EXOC6B: variants seen among roughly 807,000 people sequenced by gnomAD.
The protein encoded by EXOC6B is SEC15 homolog B.
A neutral mutation model predicts 113.5 loss-of-function variants in EXOC6B; 54 were observed. That is an observed-to-expected ratio of 0.48 (90% CI 0.38 to 0.60). The LOEUF (loss-of-function observed/expected upper bound fraction) is 0.60, where lower values mean the gene tolerates loss of function less well. Among genes scored for constraint, EXOC6B ranks in the 20% least tolerant of loss-of-function variants. The probability of loss-of-function intolerance (pLI) is 0.00; values close to 1 mark genes in which losing one functional copy is unlikely to be tolerated. For missense variants in EXOC6B, 797 were observed against 977.5 expected (o/e 0.82, Z 2.46); for synonymous variants, 357 against 339.0 (o/e 1.05, Z -0.58).
chr2:72,472,750 T>G (rs952219355), intron 17 of EXOC6B, among the ~76,000 whole-genome samples: 4 of 152,118 alleles, frequency 2.6e-5, no homozygotes, highest in African/African-American at 9.6e-5. Context: ...GCTGCTTTCC[T>G]GTTCCTTGAG....
rs530673568 is a variant in EXOC6B at position 72,475,983 on chromosome 2, A to G, written c.1800+4633T>C. Among the ~76,000 whole-genome samples the G allele has an allele frequency of 3.9e-5, 6 of 152,260 alleles. No individual in the cohort carries two copies. In the South Asian group the frequency reaches 1.0e-3, roughly 26 times the overall value. The stretch of plus-strand genomic sequence containing the variant: ...GCTTCTCCTGCACCTCAGCCCCAGT[A>G]CCAGTGGTCTCCAGGATAATGCGCT... On this transcript the variant is annotated intron_variant, in intron 17 of 21. Transcript: ENST00000272427.
intron 18 of EXOC6B, among the ~76,000 whole-genome samples, chr2:72,451,492 G>A (rs1696909921): frequency 6.6e-6 from 1 of 152,090 alleles, no homozygotes; most frequent in Non-Finnish European, 1.5e-5. Flanking sequence ...GTTAAAGACG[G>A]TAAATCATTC....
intron 20 of EXOC6B, among the ~76,000 whole-genome samples, chr2:72,324,149 A>C (rs1233653983): frequency 6.6e-6 from 1 of 152,178 alleles, no homozygotes; most frequent in Non-Finnish European, 1.5e-5. Context: ...ATCTTTGATA[A>C]CTATTTTTAA....
At chr2:72,181,301 G>A (rs1344917409) in intron 21 of EXOC6B, among the ~76,000 whole-genome samples, 1 of 152,002 alleles carries the variant, frequency 6.6e-6, no homozygotes, top group Non-Finnish European at 1.5e-5. Flanking sequence ...TTGAATATAA[G>A]GTACGACCAC....
At chr2:72,600,806 C>A (rs183045945) in intron 6 of EXOC6B, among the ~76,000 whole-genome samples, 2 of 152,076 alleles carry the variant, frequency 1.3e-5, no homozygotes, top group East Asian at 3.9e-4. Context: ...CTTTTAGATA[C>A]AACACCAAAA....
At chr2:72,478,797 T>C (rs765222821) in intron 17 of EXOC6B, among the ~76,000 whole-genome samples, 24 of 152,238 alleles carry the variant, frequency 1.6e-4, no homozygotes, top group Non-Finnish European at 5.9e-5. Flanking sequence ...CACATATTCT[T>C]CTTTTGATAG....
chr2:72,724,817 A>G (rs1296126743), intron 5 of EXOC6B, among the ~76,000 whole-genome samples: 2 of 152,190 alleles, frequency 1.3e-5, no homozygotes, highest in Non-Finnish European at 2.9e-5. Flanking sequence ...ACATTACACA[A>G]TGCAAATGAG....
intron 20 of EXOC6B, among the ~76,000 whole-genome samples, chr2:72,271,891 C>T (rs928925452): frequency 6.6e-6 from 1 of 152,106 alleles, no homozygotes; most frequent in African/African-American, 2.4e-5. Flanking sequence ...CCTTCCACTC[C>T]ACATGCTGCC....
intron 7 of EXOC6B, among the ~76,000 whole-genome samples, chr2:72,572,572 C>T (rs1704582106): frequency 6.6e-6 from 1 of 152,166 alleles, no homozygotes; most frequent in Admixed American, 6.5e-5. Flanking sequence ...GACTGCCATA[C>T]AGGGATTCTA....
rs181334527 is a variant in EXOC6B at position 72,502,675 on chromosome 2, G to A, written c.1168-2703C>T. On this transcript the variant is annotated intron_variant, in intron 11 of 21. Coordinates refer to ENST00000272427, the MANE Select transcript of EXOC6B (RefSeq NM_015189.3). ...TTTCCAATATAAAAAATTGTCTCCC[G>A]CCATTTACCCTGTTTGACACTCAAT... Among the ~76,000 whole-genome samples the A allele has an allele frequency of 1.1e-3, 168 of 151,902 alleles. 3 individuals carry two copies. The highest frequency in any genetic ancestry group is 3.5e-4 in the Non-Finnish European group (24 of 67,946).
chr2:72,329,438 A>G (rs1688312831), intron 20 of EXOC6B, among the ~76,000 whole-genome samples: 1 of 152,130 alleles, frequency 6.6e-6, no homozygotes, highest in Non-Finnish European at 1.5e-5. Flanking sequence ...GTAAAATATT[A>G]AAAAATAAAT....
At chr2:72,821,958 A>G (rs1573853671) in intron 1 of EXOC6B, among the ~76,000 whole-genome samples, 1 of 152,220 alleles carries the variant, frequency 6.6e-6, no homozygotes, top group Non-Finnish European at 1.5e-5. Context: ...TGATACATGA[A>G]TTATATCTCA....
chr2:72,627,292 T>C (rs1283531147), intron 6 of EXOC6B, among the ~76,000 whole-genome samples: 1 of 152,198 alleles, frequency 6.6e-6, no homozygotes, highest in African/African-American at 2.4e-5. Flanking sequence ...TCTAGTTGAG[T>C]CTAAGACTTT....
intron 1 of EXOC6B, among the ~76,000 whole-genome samples, chr2:72,774,807 A>G: frequency 6.6e-6 from 1 of 152,160 alleles, no homozygotes; most frequent in South Asian, 2.1e-4. Context: ...GTCCCATAAA[A>G]CTGACAAACA....
chr2:72,599,199 TA>T lies in EXOC6B; in HGVS notation c.670-23532del, dbSNP rs376287809. On this transcript the variant is annotated intron_variant, in intron 6 of 21. Transcript: ENST00000272427. ...AAATCCAACAATGTATAAAAAGAAT[TA>T]AACATCACAACAAGTAAGGCTTGTT... 1.5e-4 allele frequency among the ~76,000 whole-genome samples: 23 copies of T among 152,156 alleles called. 2 individuals are homozygous for T. Among genetic ancestry groups the T allele is most frequent in the African/African-American group, 4.6e-4 (19 of 41,554 alleles).
At chr2:72,710,144 C>T (rs1373783085) in intron 6 of EXOC6B, among the ~76,000 whole-genome samples, 3 of 151,812 alleles carry the variant, frequency 2.0e-5, no homozygotes, top group Admixed American at 2.0e-4. Context: ...TACTTTTTAC[C>T]CTAAAGAACA....
At chr2:72,558,985 G>C (rs550192626) in intron 8 of EXOC6B, among the ~76,000 whole-genome samples, 4 of 152,204 alleles carry the variant, frequency 2.6e-5, no homozygotes, top group South Asian at 4.1e-4. Flanking sequence ...CTGCATGTGA[G>C]TGTACTACCA....
intron 17 of EXOC6B, among the ~76,000 whole-genome samples, chr2:72,477,717 G>A (rs377326888): frequency 1.7e-4 from 26 of 151,994 alleles, no homozygotes; most frequent in African/African-American, 5.8e-4. Flanking sequence ...ATCTCTTATC[G>A]TCCATACCAT....
At chr2:72,495,161 C>G (rs1699969343) in intron 15 of EXOC6B, among the ~76,000 whole-genome samples, 1 of 151,994 alleles carries the variant, frequency 6.6e-6, no homozygotes, top group Non-Finnish European at 1.5e-5. Flanking sequence ...TCCAGCCTAC[C>G]ATTTTCTAGT....
Sources: allele counts gnomAD v4.1 joint callset (sites outside exome capture counted in the v4.1 genomes callset), GRCh38; gene constraint gnomAD v4.1.1; transcripts MANE v1.5; gene names NCBI Gene and HGNC (gene_info 2026-07-23, HGNC 2026-07-21).